Variants in NUP210 observed in about 807,000 individuals in gnomAD.
NUP210 encodes nucleoporin 210, also known as nuclear pore membrane glycoprotein 210.
A neutral mutation model predicts 196.0 loss-of-function variants in NUP210; 151 were observed. The ratio of observed to expected loss-of-function variants is 0.77; its 90% CI spans 0.67 to 0.88. The LOEUF is 0.88. Ranked by LOEUF, NUP210 falls within the 40% of genes least tolerant of loss-of-function variation. NUP210 has a pLI of 0.00. For synonymous variants in NUP210, 1,070 were observed against 1,052.7 expected (o/e 1.02, Z -0.32); for missense variants, 2,314 against 2,493.7 (o/e 0.93, Z 1.53).
chr3:13,352,273 G>GAGCAAGGCCAGGC, intron 18 of NUP210, 89 bp from the exon 19 acceptor site: 1 of 944,596 alleles, frequency 1.1e-6, no homozygotes, highest in Non-Finnish European at 1.6e-6. Context: ...CTAGGGCCTG[G>GAGCAAGGCCAGGC]CCTTGCTCCT....
chr3:13,391,405 TC>T, intron 3 of NUP210, 98 bp from the exon 4 acceptor site: 1 of 735,756 alleles, frequency 1.4e-6, no homozygotes, highest in Non-Finnish European at 2.4e-6. Flanking sequence ...GGAACCACAC[TC>T]CACATCACCA....
At chr3:13,412,024 T>C (rs1055327609) in intron 1 of NUP210, among the ~76,000 whole-genome samples, 23 of 152,184 alleles carry the variant, frequency 1.5e-4, no homozygotes, top group Middle Eastern at 3.4e-3. Flanking sequence ...ATTACAGGCA[T>C]GAGCCACTGC....
At position 13,339,975 on chromosome 3, in the gene NUP210, T is replaced by C; in HGVS notation, c.3350A>G (p.Glu1117Gly). 6.2e-7 allele frequency: 1 copy of C among 1,614,078 alleles called. No individual in the cohort carries two copies. Among genetic ancestry groups the C allele is most frequent in the African/African-American group, 1.3e-5 (1 of 75,070 alleles). The change falls in exon 25 of 40, where the codon GAG becomes GGG. Residue 1117 changes from glutamate to glycine, a missense_variant. Physicochemically the swap from Glu to Gly is moderately conservative, Grantham distance 98 (BLOSUM62 -2). Transcript: ENST00000254508. ...AGCAGCGCTCACCAGCGCAACGCTC[T>C]CATTGCTGATGGAGAAAAGGATGTT... ...QSNILFSISN[E>G]SVALVSAAGL...
At chr3:13,372,163 T>C (rs1025013194) in intron 12 of NUP210, 131 bp from the exon 13 acceptor site, 1 of 870,332 alleles carries the variant, frequency 1.1e-6, no homozygotes, top group Admixed American at 2.9e-5. Context: ...TCACGGGCAG[T>C]GGGGTGATTC....
rs1696725075 is a variant in NUP210, at chr3:13,325,792, C to T, written c.4644+3G>A. ...CATGTGCCTCCGGCTGCTTAGAGCC[C>T]ACCTCCTTGTAGGTCCTCAGGTGCC... On this transcript the variant is annotated splice_donor_region_variant and intron_variant, in intron 33 of 39. Transcript: ENST00000254508. 1 of 1,613,648 alleles carries T rather than the reference C, an allele frequency of 6.2e-7. No individual in the cohort carries two copies. Among genetic ancestry groups the T allele is most frequent in the Non-Finnish European group, 8.5e-7 (1 of 1,179,916 alleles).
At position 13,340,295 on chromosome 3, in the gene NUP210, A is replaced by G; in HGVS notation, c.3232T>C (p.Phe1078Leu). ...INSAPQQIEV[F>L]PPFRLMPRKV... Reference sequence around the variant, plus strand: ...CTGGGCATCAGCCTGAACGGGGGAAAGACCTGTTGAGAGACACAGGAGAGA... The same window carrying G: ...CTGGGCATCAGCCTGAACGGGGGAAGGACCTGTTGAGAGACACAGGAGAGA... Residue 1078 changes from phenylalanine (F) to leucine (L), a missense_variant, in exon 24 of 40, where the codon TTT becomes CTT. Phe to Leu is a conservative substitution (Grantham distance 22). Coordinates refer to ENST00000254508, the MANE Select transcript of NUP210 (RefSeq NM_024923.4). This position sits in a 1 kb window ranked among gnomAD's most constrained non-coding sequence, Gnocchi z 4.0. The G allele has an allele frequency of 6.2e-7, 1 of 1,613,354 alleles. No homozygotes were observed. The highest frequency in any genetic ancestry group is 8.5e-7 in the Non-Finnish European group (1 of 1,179,994).
intron 6 of NUP210, among the ~76,000 whole-genome samples, chr3:13,385,833 T>C (rs73150015): frequency 0.034 from 5,184 of 152,248 alleles, 122 homozygotes; most frequent in Middle Eastern, 0.075. Flanking sequence ...GGTCTATCCA[T>C]CCACACAATG....
chr3:13,352,013 G>A (rs6774075), intron 19 of NUP210, 33 bp from the exon 20 acceptor site: 25 of 1,602,864 alleles, frequency 1.6e-5, no homozygotes, highest in South Asian at 1.5e-4. Flanking sequence ...GGGTTGGGCC[G>A]CATGTGGGAG....
intron 1 of NUP210, among the ~76,000 whole-genome samples, chr3:13,400,901 T>C (rs962279086): frequency 4.0e-5 from 6 of 150,360 alleles, no homozygotes; most frequent in Middle Eastern, 3.4e-3. Context: ...CTAAACTCAC[T>C]GGAACATCCA....
At chr3:13,378,631 C>T (rs79531713) in intron 8 of NUP210, among the ~76,000 whole-genome samples, 5,318 of 152,234 alleles carry the variant, frequency 0.035, 323 homozygotes, top group African/African-American at 0.12. Context: ...TGGGCAAAGC[C>T]GTGGTATGAA....
At chr3:13,387,107 G>A (rs1385696988) in intron 5 of NUP210, among the ~76,000 whole-genome samples, 6 of 152,232 alleles carry the variant, frequency 3.9e-5, no homozygotes, top group Non-Finnish European at 7.3e-5. Flanking sequence ...AGGTGAAGGC[G>A]CAGCTGACTG....
At chr3:13,321,103 T>C (rs1169038156) in intron 36 of NUP210, among the ~76,000 whole-genome samples, 1 of 152,256 alleles carries the variant, frequency 6.6e-6, no homozygotes, top group Non-Finnish European at 1.5e-5. Context: ...TCCTTGGTTC[T>C]CTCACCCCCG....
rs1389865693 is a variant in NUP210 at position 13,321,710 on chromosome 3, C to A, written c.5041G>T (p.Val1681Leu). 3 of 1,614,180 alleles carry A rather than the reference C, an allele frequency of 1.9e-6. No homozygotes were observed. Among genetic ancestry groups the A allele is most frequent in the East Asian group, 4.5e-5 (2 of 44,874 alleles). ...LSSSHFSTEQVGAEVPFSPGL... is the reference protein window; with the variant it reads ...LSSSHFSTEQLGAEVPFSPGL... ...GGGCTGAAGGGCACCTCGGCCCCCACCTGCTCTGTGGAGAAGTGGCTGCTG... is the reference window on the plus strand; with the variant it reads ...GGGCTGAAGGGCACCTCGGCCCCCAACTGCTCTGTGGAGAAGTGGCTGCTG... The change falls in exon 36 of 40, where the codon GTG (valine) becomes TTG (leucine). Residue 1681 changes from valine to leucine, a missense_variant. Val to Leu is a conservative substitution (Grantham distance 32). Transcript: ENST00000254508.
intron 1 of NUP210, among the ~76,000 whole-genome samples, chr3:13,403,855 C>T (rs1458358512): frequency 6.6e-6 from 1 of 152,188 alleles, no homozygotes; most frequent in Non-Finnish European, 1.5e-5. Context: ...GGGCTTGATC[C>T]CTGCATCCCC....
rs779894363 is a variant in NUP210, at chr3:13,379,679, T to C, written c.860A>G (p.Asn287Ser). Residue 287 changes from asparagine to serine, a missense_variant, in exon 7 of 40, where the codon AAC (asparagine) becomes AGC (serine). Asn to Ser is a conservative substitution (Grantham distance 46). Transcript: ENST00000254508. This position sits in a 1 kb window ranked among gnomAD's most constrained non-coding sequence, Gnocchi z 4.2. ...PSDQYELQLQ[N>S]SIPGPEGDPA... ...GTCTCCTTCGGGGCCCGGGATGCTGTTCTGAAGCTGCAACTCGTACTGATC... is the reference window on the plus strand; with the variant it reads ...GTCTCCTTCGGGGCCCGGGATGCTGCTCTGAAGCTGCAACTCGTACTGATC... The C allele has an allele frequency of 2.4e-5, 38 of 1,613,368 alleles. No individual in the cohort carries two copies. The East Asian group carries it at 8.5e-4, about 36-fold the overall frequency.
chr3:13,390,641 G>A (rs1000054), intron 4 of NUP210, among the ~76,000 whole-genome samples: 41,067 of 152,106 alleles, frequency 0.27, 6,056 homozygotes, highest in Middle Eastern at 0.34. Context: ...CTGTCCTCCC[G>A]GAGCTCAGAC....
intron 5 of NUP210, among the ~76,000 whole-genome samples, chr3:13,387,298 T>G (rs560359683): frequency 3.4e-3 from 524 of 152,336 alleles, no homozygotes; most frequent in South Asian, 0.012. Flanking sequence ...GGCACCACCA[T>G]GGGCAGGGCT....
intron 16 of NUP210, among the ~76,000 whole-genome samples, chr3:13,356,036 TC>T (rs1698161952): frequency 6.6e-6 from 1 of 152,144 alleles, no homozygotes; most frequent in Non-Finnish European, 1.5e-5. Flanking sequence ...CCCAAGGACC[TC>T]CCCTGACTCA....
intron 9 of NUP210, among the ~76,000 whole-genome samples, chr3:13,377,072 A>G (rs771818089): frequency 4.6e-5 from 7 of 152,358 alleles, no homozygotes; most frequent in Admixed American, 1.3e-4. Flanking sequence ...GGAGAAAGCC[A>G]GGACGTGCTC....
Sources: gnomAD v4.1 joint callset for allele counts (sites outside exome capture counted in the v4.1 genomes callset) on GRCh38, gnomAD v4.1.1 for gene constraint, Gnocchi (gnomAD v3.1) non-coding constraint, MANE v1.5 for transcripts, NCBI Gene and HGNC (gene_info 2026-07-23, HGNC 2026-07-21) for gene names.